TRPM7: variants seen among roughly 807,000 people sequenced by gnomAD.
TRPM7 encodes LTRPC ion channel family member 7.
In TRPM7, 134 loss-of-function variants were observed where a neutral mutation model predicts 229.7. That is an observed-to-expected ratio of 0.58 (90% confidence interval 0.51 to 0.67). The LOEUF (loss-of-function observed/expected upper bound fraction) is 0.67, where lower values mean the gene tolerates loss of function less well. TRPM7 is among the 30% of genes least tolerant of loss of function. The pLI, the probability that TRPM7 is intolerant of heterozygous loss-of-function variation, is 0.00. For synonymous variants in TRPM7, 699 were observed against 715.2 expected, an observed-to-expected ratio of 0.98 and a Z score of 0.36; for missense variants, 1,901 against 2,210.0, an observed-to-expected ratio of 0.86 and a Z score of 2.80.
intron 8 of TRPM7, among the ~76,000 whole-genome samples, chr15:50,633,315 C>T (rs994409683): frequency 1.5e-4 from 23 of 152,076 alleles, no homozygotes; most frequent in African/African-American, 5.3e-4. Flanking sequence ...TATTTCACCA[C>T]GATGTTCTTA....
chr15:50,565,077 G>A (rs1423665894), intron 38 of TRPM7, among the ~76,000 whole-genome samples: 1 of 151,944 alleles, frequency 6.6e-6, no homozygotes, highest in Non-Finnish European at 1.5e-5. Context: ...TGCCTCTCGG[G>A]TTCAAGCAAT....
Position 50,624,315 on chromosome 15 carries a change from T to C in TRPM7, c.1306-15A>G, listed in dbSNP as rs1206679109. 2 of 1,561,134 alleles carry C rather than the reference T, an allele frequency of 1.3e-6. No homozygotes were observed. The highest frequency in any genetic ancestry group is 8.6e-7 in the Non-Finnish European group (1 of 1,156,490). ...AAGGATCCAACCTAGGAGTATCAAA[T>C]TTAATAAATACATATTTCACATATT... On this transcript the variant is annotated splice_polypyrimidine_tract_variant and intron_variant, in intron 11 of 38. Coordinates refer to ENST00000646667, the MANE Select transcript of TRPM7 (RefSeq NM_017672.6).
At chr15:50,589,524 A>C in intron 27 of TRPM7, 68 bp downstream of exon 27, 1 of 1,136,038 alleles carries the variant, frequency 8.8e-7, no homozygotes, top group South Asian at 1.4e-5. Flanking sequence ...GTTTAATTAA[A>C]TTTTGAACTA....
Position 50,593,746 on chromosome 15 carries a change from A to G in TRPM7, c.3479T>C (p.Leu1160Pro). The change falls in exon 25 of 39, where the codon CTT (leucine) becomes CCT (proline). Residue 1160 changes from leucine (L) to proline (P), a missense_variant. Coordinates refer to ENST00000646667, the MANE Select transcript of TRPM7 (RefSeq NM_017672.6). ...CTTTTGATCTTCTTCTGTTAAGAAA[A>G]GTTCTATGGGAGGAAAAGGAGAAGA... ...KKDKTSDGPK[L>P]FLTEEDQKKL... is the part of the protein sequence containing the mutation. 1 of 1,607,636 alleles carries G rather than the reference A, an allele frequency of 6.2e-7. No homozygotes were observed. Among genetic ancestry groups the G allele is most frequent in the Non-Finnish European group, 8.5e-7 (1 of 1,178,402 alleles).
At chr15:50,613,218 T>C (rs2060111821) in intron 15 of TRPM7, among the ~76,000 whole-genome samples, 1 of 152,230 alleles carries the variant, frequency 6.6e-6, no homozygotes, top group South Asian at 2.1e-4. Context: ...AATATGAAAA[T>C]GTACGCTGGG....
At chr15:50,673,450 T>C (rs1349041225) in intron 1 of TRPM7, among the ~76,000 whole-genome samples, 1 of 152,092 alleles carries the variant, frequency 6.6e-6, no homozygotes, top group East Asian at 1.9e-4. Context: ...GTCCCCAAAG[T>C]CCATTGTGTC....
At chr15:50,673,246 C>G (rs1014881813) in intron 1 of TRPM7, among the ~76,000 whole-genome samples, 2 of 152,178 alleles carry the variant, frequency 1.3e-5, no homozygotes, top group Middle Eastern at 3.4e-3. Flanking sequence ...GCCTTATACA[C>G]CTATACTATT....
In TRPM7 at chr15:50,570,094, A is replaced by G. The variant is rs1261324060; in HGVS notation, c.5360+10T>C. On this transcript the variant is annotated intron_variant, in intron 37 of 38. Coordinates refer to ENST00000646667, the MANE Select transcript of TRPM7 (RefSeq NM_017672.6). Reference sequence around the variant, plus strand: ...AATTATGCCTTAATGAAATAGTTAAAACTTATTACCTCTTTTCTTCTGCTT... The same window carrying G: ...AATTATGCCTTAATGAAATAGTTAAGACTTATTACCTCTTTTCTTCTGCTT... 6.2e-7 allele frequency: 1 copy of G among 1,609,390 alleles called. No individual in the cohort carries two copies. The highest frequency in any genetic ancestry group is 8.5e-7 in the Non-Finnish European group (1 of 1,177,872).
Position 50,626,087 on chromosome 15 carries a change from A to T in TRPM7, c.1306-1787T>A, listed in dbSNP as rs571328088. Among the ~76,000 whole-genome samples, 11 of 152,334 alleles carry T rather than the reference A, an allele frequency of 7.2e-5. No individual in the cohort carries two copies. The South Asian group carries it at 2.3e-3, about 32-fold the overall frequency. The stretch of plus-strand genomic sequence containing the variant: ...CCCCAGGATATTTAAGTTACCAACA[A>T]CATACTTGTATTAGTATGTATAACT... On this transcript the variant is annotated intron_variant, in intron 11 of 38. Coordinates refer to ENST00000646667, the MANE Select transcript of TRPM7 (RefSeq NM_017672.6).
intron 1 of TRPM7, among the ~76,000 whole-genome samples, chr15:50,679,509 A>AT (rs1409851357): frequency 3.0e-4 from 15 of 50,450 alleles, no homozygotes; most frequent in South Asian, 1.8e-3. Context: ...GTGTATATAT[A>AT]TAATATATAT....
Position 50,643,277 on chromosome 15 carries a change from G to C in TRPM7, c.535+63C>G. ...GCACTCCAGCCTGGCAACAGAGTGA[G>C]AGTCCGTCTCAAAAAAAAAAATTAA... is the stretch of plus-strand genomic sequence containing the variant. On this transcript the variant is annotated intron_variant, in intron 5 of 38. Transcript: ENST00000646667. The C allele has an allele frequency of 3.0e-6, 4 of 1,353,034 alleles. No individual in the cohort carries two copies. The South Asian group carries it at 3.7e-5, about 13-fold the overall frequency. 83.8% of individuals were successfully genotyped at this position (1,353,034 alleles called of 1,614,324 possible).
At chr15:50,652,714 AAAAAAC>A (rs1213408952) in intron 3 of TRPM7, among the ~76,000 whole-genome samples, 9 of 152,136 alleles carry the variant, frequency 5.9e-5, no homozygotes, top group African/African-American at 2.2e-4. Flanking sequence ...CTGCTTTGGA[AAAAAAC>A]AAAAACAAAA....
Position 50,628,220 on chromosome 15 carries a change from T to C in TRPM7, c.1234A>G (p.Ile412Val). ...ACTCTATCCCATGCCAATGTAAGGA[T>C]AAGCTGGTCAAATGCAGATGCATTA... is the stretch of plus-strand genomic sequence containing the variant. ...GTNASAFDQLILTLAWDRVDI... is the reference protein window; with the variant it reads ...GTNASAFDQLVLTLAWDRVDI... The change falls in exon 11 of 39, where the codon ATC (isoleucine) becomes GTC (valine). Residue 412 changes from isoleucine (I) to valine (V), a missense_variant. Coordinates refer to ENST00000646667, the MANE Select transcript of TRPM7 (RefSeq NM_017672.6). 6.2e-7 allele frequency: 1 copy of C among 1,613,458 alleles called. No individual in the cohort carries two copies. The highest frequency in any genetic ancestry group is 8.5e-7 in the Non-Finnish European group (1 of 1,179,884).
chr15:50,629,654 T>C (rs530012414), intron 10 of TRPM7, among the ~76,000 whole-genome samples: 1 of 152,238 alleles, frequency 6.6e-6, no homozygotes, highest in South Asian at 2.1e-4. Flanking sequence ...ATCTTTTTCT[T>C]ATTAATTTTT....
chr15:50,638,024 C>G (rs911659942), intron 6 of TRPM7, among the ~76,000 whole-genome samples: 3 of 152,060 alleles, frequency 2.0e-5, no homozygotes, highest in African/African-American at 7.2e-5. Context: ...CAAGACCAGC[C>G]TGGCCAACAT....
At position 50,592,376 on chromosome 15, in the gene TRPM7, A is replaced by C; in HGVS notation, c.3859T>G (p.Ser1287Ala). The C allele has an allele frequency of 1.9e-6, 3 of 1,614,190 alleles. No individual in the cohort carries two copies. The highest frequency in any genetic ancestry group is 2.5e-6 in the Non-Finnish European group (3 of 1,180,032). The change falls in exon 26 of 39, where the codon TCT becomes GCT. Residue 1287 changes from serine (S) to alanine (A), a missense_variant. By Grantham distance (99) the Ser-to-Ala change is moderately conservative (BLOSUM62 1). This residue lies in a region of TRPM7 where 533 missense variants were observed against 497.1 expected (regional missense o/e 1.07). Coordinates refer to ENST00000646667, the MANE Select transcript of TRPM7 (RefSeq NM_017672.6). Reference protein sequence around the residue: ...NLIDDGPVRPSVWKKHGVVNT... With the variant: ...NLIDDGPVRPAVWKKHGVVNT... ...ACAACACCATGCTTTTTCCATACAG[A>C]AGGTCTTACAGGACCATCATCAATA... is the stretch of plus-strand genomic sequence containing the variant.
chr15:50,647,191 C>T (rs760236170), intron 4 of TRPM7, among the ~76,000 whole-genome samples: 7 of 152,074 alleles, frequency 4.6e-5, no homozygotes, highest in African/African-American at 1.4e-4. Flanking sequence ...AGTGCAGTGG[C>T]GCGATCTCGG....
chr15:50,621,391 C>G (rs1195821811), intron 12 of TRPM7, among the ~76,000 whole-genome samples: 2 of 152,082 alleles, frequency 1.3e-5, no homozygotes, highest in East Asian at 3.9e-4. Context: ...TTTTATCCTA[C>G]TCTATTAAAT....
At position 50,617,498 on chromosome 15, in the gene TRPM7, T is replaced by C. The variant is rs140875819; in HGVS notation, c.1494+2247A>G. Among the ~76,000 whole-genome samples, 854 of 148,938 alleles carry C rather than the reference T, an allele frequency of 5.7e-3. 9 individuals are homozygous for C. The highest frequency in any genetic ancestry group is 0.02 in the African/African-American group (823 of 41,270). On this transcript the variant is annotated intron_variant, in intron 13 of 38. Transcript: ENST00000646667. ...AGCCTGGGCAAGAAAGGGCAAAACT[T>C]CATTTCAAAAAAAAAAATTTTAAGT...
Sources: allele counts gnomAD v4.1 joint callset (sites outside exome capture counted in the v4.1 genomes callset), GRCh38; gene constraint gnomAD v4.1.1; regional missense constraint gnomAD v4.1.1; transcripts MANE v1.5; gene names NCBI Gene and HGNC (gene_info 2026-07-23, HGNC 2026-07-21).